The following MYO16 variants were observed in gnomAD, a reference collection of about 807,000 sequenced individuals.
MYO16 encodes the protein myosin XVI.
In MYO16, 94 loss-of-function variants were observed where a neutral mutation model predicts 205.3. The ratio of observed to expected loss-of-function variants is 0.46; its 90% CI spans 0.39 to 0.54. The LOEUF (loss-of-function observed/expected upper bound fraction) is 0.54. MYO16 is among the 20% of genes least tolerant of loss of function. The pLI is 0.00. For missense variants in MYO16, 2,315 were observed against 2,387.5 expected (o/e 0.97, Z 0.63); for synonymous variants, 988 against 954.0 (o/e 1.04, Z -0.66).
At chr13:109,091,552 C>T (rs1215268858) in intron 27 of MYO16, among the ~76,000 whole-genome samples, 1 of 152,184 alleles carries the variant, frequency 6.6e-6, no homozygotes, top group East Asian at 1.9e-4. Context: ...GTCACCAAAT[C>T]CCACAGCCAC....
intron 27 of MYO16, among the ~76,000 whole-genome samples, chr13:109,089,188 C>CATTATTATGATTATT (rs1888540628): frequency 6.8e-6 from 1 of 147,824 alleles, no homozygotes; most frequent in Non-Finnish European, 1.5e-5. Flanking sequence ...TTGTTTTCTG[C>CATTATTATGATTATT]ATTATTATTA....
chr13:108,888,378 A>G lies in MYO16; in HGVS notation c.1560A>G (p.Glu520=). 2 of 1,595,322 alleles carry G rather than the reference A, an allele frequency of 1.3e-6. No individual in the cohort carries two copies. Among genetic ancestry groups the G allele is most frequent in the Non-Finnish European group, 1.7e-6 (2 of 1,171,728 alleles). ...QRPQCFILSG[E]RGSGKSEASK... The stretch of plus-strand genomic sequence containing the variant: ...TCCTCTCTGTTTTCCTTAGTGGAGA[A>G]AGGGGATCAGGAAAGTCTGAAGCCA... Residue 520 remains glutamate, a synonymous_variant, in exon 14 of 35, where the codon GAA becomes GAG. Coordinates refer to ENST00000457511, the MANE Select transcript of MYO16 (RefSeq NM_001198950.3).
intron 4 of MYO16, among the ~76,000 whole-genome samples, chr13:108,736,597 T>C (rs1357915491): frequency 6.6e-6 from 1 of 152,216 alleles, no homozygotes; most frequent in African/African-American, 2.4e-5. Context: ...GCTTTGTTCT[T>C]TTTGCTTAGG....
At chr13:108,888,018 CCTGACACCTTT>C (rs1215007000) in intron 13 of MYO16, among the ~76,000 whole-genome samples, 2 of 152,080 alleles carry the variant, frequency 1.3e-5, no homozygotes, top group African/African-American at 4.8e-5. Flanking sequence ...TTCTTCTCAG[CCTGACACCTTT>C]CTGGCATAAT....
At chr13:108,628,388 C>T (rs1879829158), upstream of MYO16, among the ~76,000 whole-genome samples, 1 of 152,114 alleles carries the variant, frequency 6.6e-6, no homozygotes, top group Non-Finnish European at 1.5e-5. Context: ...ATGTTAATGA[C>T]AACTTTTCAA....
At chr13:108,776,151 T>C (rs933039134) in intron 4 of MYO16, among the ~76,000 whole-genome samples, 4 of 151,990 alleles carry the variant, frequency 2.6e-5, no homozygotes, top group Non-Finnish European at 5.9e-5. Context: ...TTTTACACAA[T>C]TGTGGGAAAT....
chr13:109,120,283 C>A, intron 28 of MYO16, 87 bp from the exon 29 acceptor site: 1 of 921,148 alleles, frequency 1.1e-6, no homozygotes, highest in Non-Finnish European at 1.7e-6. Flanking sequence ...TAATCCTCTG[C>A]TGGAAAAATA....
At chr13:108,928,492 TG>T (rs956121076) in intron 16 of MYO16, among the ~76,000 whole-genome samples, 28 of 152,304 alleles carry the variant, frequency 1.8e-4, no homozygotes, top group Admixed American at 5.9e-4. Flanking sequence ...AAGAGCAACA[TG>T]GAATTCTTGC....
At chr13:108,855,582 C>G (rs781453416) in intron 11 of MYO16, 29 bp downstream of exon 11, 1 of 1,421,422 alleles carries the variant, frequency 7.0e-7, no homozygotes, top group Admixed American at 1.8e-5. Flanking sequence ...GCCTTTTGCA[C>G]TGTTTTTCTC....
At chr13:108,958,493 A>C (rs1163610852) in intron 17 of MYO16, among the ~76,000 whole-genome samples, 1 of 152,084 alleles carries the variant, frequency 6.6e-6, no homozygotes, top group Non-Finnish European at 1.5e-5. Flanking sequence ...ACACTTTAAA[A>C]CTTTTAGATC....
chr13:109,005,977 G>C (rs565573783), intron 21 of MYO16, among the ~76,000 whole-genome samples: 1 of 152,304 alleles, frequency 6.6e-6, no homozygotes, highest in East Asian at 1.9e-4. Flanking sequence ...TTAAGGGTAA[G>C]TGGGAGCTCC....
At chr13:109,123,011 T>C (rs1438848148) in intron 29 of MYO16, among the ~76,000 whole-genome samples, 2 of 152,222 alleles carry the variant, frequency 1.3e-5, no homozygotes. Flanking sequence ...TTAAAATTAT[T>C]CCTACCAGAA....
chr13:108,528,759 C>T, the MYO16 span, among the ~76,000 whole-genome samples: 69 of 141,214 alleles, frequency 4.9e-4, 1 homozygote, highest in South Asian at 0.017. Context: ...CCCTTTGCCT[C>T]CCCTCTCCCC....
rs554694290 is a variant in MYO16 at position 109,013,462 on chromosome 13, A to C, written c.2595+4413A>C. Among the ~76,000 whole-genome samples, 8 of 152,246 alleles carry C rather than the reference A, an allele frequency of 5.3e-5. No individual in the cohort carries two copies. The East Asian group carries it at 1.5e-3, about 29-fold the overall frequency. Reference sequence around the variant, plus strand: ...TGTCTTTATACTAGCATGGTTTATAATCCTTTGGGTATATACCCAGTAATG... The same window carrying C: ...TGTCTTTATACTAGCATGGTTTATACTCCTTTGGGTATATACCCAGTAATG... On this transcript the variant is annotated intron_variant, in intron 22 of 34. Coordinates refer to ENST00000457511, the MANE Select transcript of MYO16 (RefSeq NM_001198950.3).
chr13:108,812,911 G>C (rs947176307), intron 7 of MYO16, among the ~76,000 whole-genome samples: 4 of 152,102 alleles, frequency 2.6e-5, no homozygotes, highest in Admixed American at 6.6e-5. Flanking sequence ...AGAGACTAAG[G>C]CCTGCTGGTG....
chr13:109,191,101 C>T (rs1351279733), intron 34 of MYO16, among the ~76,000 whole-genome samples: 4 of 152,006 alleles, frequency 2.6e-5, no homozygotes, highest in African/African-American at 9.7e-5. Flanking sequence ...CGCTTGTAAT[C>T]CCAGCTACAC....
chr13:109,093,642 T>C (rs1888688479), intron 27 of MYO16, among the ~76,000 whole-genome samples: 1 of 152,152 alleles, frequency 6.6e-6, no homozygotes, highest in Admixed American at 6.5e-5. Context: ...GTCAAAAACC[T>C]TGAAGTCATC....
chr13:108,796,173 G>C (rs1886783054), intron 6 of MYO16, among the ~76,000 whole-genome samples: 1 of 152,214 alleles, frequency 6.6e-6, no homozygotes, highest in Non-Finnish European at 1.5e-5. Context: ...AAGACAGTGG[G>C]AAGTTCAGAA....
At chr13:108,557,886 C>T in the MYO16 span, among the ~76,000 whole-genome samples, 6 of 151,966 alleles carry the variant, frequency 3.9e-5, no homozygotes, top group Non-Finnish European at 8.8e-5. Context: ...TATAGTTATA[C>T]AAAGTGTATA....
Sources: allele counts gnomAD v4.1 joint callset (sites outside exome capture counted in the v4.1 genomes callset), GRCh38; gene constraint gnomAD v4.1.1; transcripts MANE v1.5; gene names NCBI Gene and HGNC (gene_info 2026-07-23, HGNC 2026-07-21).